GOLGB1: variants seen among roughly 807,000 people sequenced by gnomAD.
GOLGB1 encodes golgin subfamily B member 1.
Under a neutral mutation model 336.9 loss-of-function variants are expected in GOLGB1, and 174 were observed. The ratio of observed to expected loss-of-function variants is 0.52; its 90% CI spans 0.46 to 0.59. The LOEUF (loss-of-function observed/expected upper bound fraction) is 0.59, where lower values mean the gene tolerates loss of function less well. Among genes scored for constraint, GOLGB1 ranks in the 20% least tolerant of loss-of-function variants. GOLGB1 has a pLI of 0.00. For missense variants in GOLGB1, 3,331 were observed against 3,645.3 expected (o/e 0.91, Z 2.22); for synonymous variants, 1,208 against 1,289.2 (o/e 0.94, Z 1.35).
intron 1 of GOLGB1, among the ~76,000 whole-genome samples, chr3:121,733,483 A>G (rs998076653): frequency 1.2e-4 from 19 of 152,176 alleles, no homozygotes; most frequent in Non-Finnish European, 2.5e-4. Flanking sequence ...TAAAAAATCT[A>G]AATAAATGTA....
At position 121,697,045 on chromosome 3, in the gene GOLGB1, T is replaced by A. The variant is rs1365443072; in HGVS notation, c.3478A>T (p.Ser1160Cys). 4 of 1,613,934 alleles carry A rather than the reference T, an allele frequency of 2.5e-6. No individual in the cohort carries two copies. The highest frequency in any genetic ancestry group is 3.4e-6 in the Non-Finnish European group (4 of 1,179,908). ...VVISPPCTGS[S>C]EHWKPELEEK... ...TCTAGTTCTGGTTTCCAGTGTTCAC[T>A]ACTACCTGTACAAGGTGGACTTATC... Residue 1160 changes from serine (S) to cysteine (C), a missense_variant, in exon 13 of 22, where the codon AGT becomes TGT. Coordinates refer to ENST00000614479, the MANE Select transcript of GOLGB1 (RefSeq NM_001366282.2).
intron 14 of GOLGB1, among the ~76,000 whole-genome samples, chr3:121,684,348 A>G (rs992065677): frequency 3.3e-5 from 5 of 151,562 alleles, no homozygotes; most frequent in Admixed American, 2.6e-4. Context: ...AATAACAAAC[A>G]TTTCAGAAAT....
At chr3:121,687,184 C>G (rs1016598090) in intron 14 of GOLGB1, among the ~76,000 whole-genome samples, 1 of 152,090 alleles carries the variant, frequency 6.6e-6, no homozygotes, top group Non-Finnish European at 1.5e-5. Context: ...ATTGCTTGAA[C>G]CTGGGAGGCG....
chr3:121,720,054 G>A (rs1035780297), intron 6 of GOLGB1, among the ~76,000 whole-genome samples: 4 of 152,274 alleles, frequency 2.6e-5, no homozygotes, highest in African/African-American at 9.6e-5. Context: ...TACAAGAAGT[G>A]TATTTTTTAA....
Position 121,697,440 on chromosome 3 carries a change from G to C in GOLGB1, c.3083C>G (p.Ser1028Cys). 1 of 1,611,072 alleles carries C rather than the reference G, an allele frequency of 6.2e-7. No individual in the cohort carries two copies. Residue 1028 changes from serine (S) to cysteine (C), a missense_variant, in exon 13 of 22, where the codon TCT (serine) becomes TGT (cysteine). Ser to Cys is a moderately radical substitution (Grantham distance 112). Transcript: ENST00000614479. The stretch of plus-strand genomic sequence containing the variant: ...CTCACTGAGTGGGATTTCTTTCTTA[G>C]ATTCATCTTTCAAGTTGGCTAATTC... ...EEELANLKDE[S>C]KKEIPLSETE... is the part of the protein sequence containing the mutation.
rs757912228 is a variant in GOLGB1 at position 121,716,962 on chromosome 3, C to G, written c.1063G>C (p.Glu355Gln). The change falls in exon 9 of 22, where the codon GAG (glutamate) becomes CAG (glutamine). Residue 355 changes from glutamate to glutamine, a missense_variant. Coordinates refer to ENST00000614479, the MANE Select transcript of GOLGB1 (RefSeq NM_001366282.2). ...TCAGCCTGGGCTTGGCCTGCTTGCTCAAACTGTTCTAAAAGATGATGCATT... is the reference window on the plus strand; with the variant it reads ...TCAGCCTGGGCTTGGCCTGCTTGCTGAAACTGTTCTAAAAGATGATGCATT... ...EEMHHLLEQF[E>Q]QAGQAQAELE... 6.2e-7 allele frequency: 1 copy of G among 1,613,978 alleles called. No individual in the cohort carries two copies. The highest frequency in any genetic ancestry group is 8.5e-7 in the Non-Finnish European group (1 of 1,179,934).
intron 1 of GOLGB1, chr3:121,749,002 C>G: frequency 7.3e-6 from 5 of 687,486 alleles, no homozygotes; most frequent in Non-Finnish European, 9.0e-6. Context: ...CTCTAACAGC[C>G]TGCCCACCTC....
In GOLGB1 at chr3:121,664,201, T is replaced by C. The variant is rs1266608250; in HGVS notation, c.*279A>G. ...ACAGGACCACAAAAGATCAGGGTCC[T>C]GCAAAATCTCAACAAATATTAGGCT... On this transcript the variant is annotated 3_prime_UTR_variant, in exon 22 of 22. Transcript: ENST00000614479. 5 of 415,916 alleles carry C rather than the reference T, an allele frequency of 1.2e-5. No homozygotes were observed. In the East Asian group the frequency reaches 1.9e-4, roughly 16 times the overall value. 25.8% of individuals were successfully genotyped at this position (415,916 alleles called of 1,614,324 possible). A position where few individuals can be genotyped will look rare whatever the true frequency, so the allele number is the denominator to read the frequency against.
chr3:121,666,008 G>A (rs2107521495), intron 20 of GOLGB1, among the ~76,000 whole-genome samples: 1 of 152,314 alleles, frequency 6.6e-6, no homozygotes. Context: ...ATTCCTCCAT[G>A]TGATAAGCTT....
At chr3:121,684,145 A>C (rs1356288205) in intron 14 of GOLGB1, among the ~76,000 whole-genome samples, 10 of 148,630 alleles carry the variant, frequency 6.7e-5, no homozygotes, top group Non-Finnish European at 1.5e-4. Context: ...AAAAAAAAAA[A>C]AAAAAAACAA....
chr3:121,726,790 G>T, intron 5 of GOLGB1, 123 bp downstream of exon 5: 1 of 553,162 alleles, frequency 1.8e-6, no homozygotes, highest in Non-Finnish European at 3.0e-6. Context: ...AGAAAAGAAG[G>T]AGACTGATAT....
At position 121,696,055 on chromosome 3, in the gene GOLGB1, G is replaced by A. The variant is rs1942912090; in HGVS notation, c.4468C>T (p.Leu1490=). 6.2e-7 allele frequency: 1 copy of A among 1,613,966 alleles called. No individual in the cohort carries two copies. Among genetic ancestry groups the A allele is most frequent in the South Asian group, 1.1e-5 (1 of 91,072 alleles). ...SRAKQQIQRK[L]QAALISRKEA... ...TTTCGGGAAATAAGGGCAGCTTGCA[G>A]TTTCCTTTGTATTTGTTGCTTTGCT... The change falls in exon 13 of 22, where the codon CTG becomes TTG. Residue 1490 remains leucine (L), a synonymous_variant. Coordinates refer to ENST00000614479, the MANE Select transcript of GOLGB1 (RefSeq NM_001366282.2).
chr3:121,720,396 G>A (rs1945103454), intron 6 of GOLGB1, among the ~76,000 whole-genome samples: 1 of 152,166 alleles, frequency 6.6e-6, no homozygotes, highest in Admixed American at 6.6e-5. Context: ...TGAACAGAAT[G>A]AAATGGAAAT....
chr3:121,691,900 C>G lies in GOLGB1; in HGVS notation c.7464G>C (p.Leu2488=). The G allele has an allele frequency of 1.2e-6, 2 of 1,614,004 alleles. No homozygotes were observed. The highest frequency in any genetic ancestry group is 2.7e-5 in the African/African-American group (2 of 75,040). ...AGATTATAGAGAGATGTCGCTCTTCCAGCTGTTGATAGTCACCCACTATGC... is the reference window on the plus strand; with the variant it reads ...AGATTATAGAGAGATGTCGCTCTTCGAGCTGTTGATAGTCACCCACTATGC... ...RDRIVGDYQQ[L]EERHLSIILE... The change falls in exon 14 of 22, where the codon CTG becomes CTC. Residue 2488 remains leucine (L), a synonymous_variant. Coordinates refer to ENST00000614479, the MANE Select transcript of GOLGB1 (RefSeq NM_001366282.2).
chr3:121,733,445 GAA>G (rs1946261668), intron 1 of GOLGB1, among the ~76,000 whole-genome samples: 1 of 152,070 alleles, frequency 6.6e-6, no homozygotes, highest in African/African-American at 2.4e-5. Flanking sequence ...GCTGAATGCT[GAA>G]AACTATTGAA....
intron 1 of GOLGB1, among the ~76,000 whole-genome samples, chr3:121,741,642 C>T (rs955289836): frequency 1.3e-5 from 2 of 152,054 alleles, no homozygotes; most frequent in African/African-American, 2.4e-5. Context: ...AGATGTAATA[C>T]AGAAGAAATT....
rs528795845 is a variant in GOLGB1, at chr3:121,730,101, G to A, written c.97-84C>T. The A allele has an allele frequency of 1.5e-5, 13 of 867,038 alleles. 1 individual carries two copies. The South Asian group carries it at 1.8e-4, about 12-fold the overall frequency. 53.7% of individuals were successfully genotyped at this position (867,038 alleles called of 1,614,324 possible). A position where few individuals can be genotyped will look rare whatever the true frequency, so the allele number is the denominator to read the frequency against. On this transcript the variant is annotated intron_variant, in intron 2 of 21. Coordinates refer to ENST00000614479, the MANE Select transcript of GOLGB1 (RefSeq NM_001366282.2). ...GAGTTTCTTCATTCCAACTTTTTAT[G>A]TTTTGCCCAATTCATATTCTTGTTA...
intron 17 of GOLGB1, among the ~76,000 whole-genome samples, chr3:121,676,352 T>C (rs1940373522): frequency 6.6e-6 from 1 of 152,216 alleles, no homozygotes; most frequent in South Asian, 2.1e-4. Context: ...GTTCTTGTGA[T>C]GAAAAGCTTA....
chr3:121,694,041 T>C lies in GOLGB1; in HGVS notation c.6482A>G (p.Glu2161Gly). ...AACCTGAATCTCTCCAATTGTCTCT[T>C]CCAAGTGGACTTTTTCTCTGCGCAA... ...DALRREKVHL[E>G]ETIGEIQVTL... The change falls in exon 13 of 22, where the codon GAA becomes GGA. Residue 2161 changes from glutamate (E) to glycine (G), a missense_variant. Physicochemically the swap from Glu to Gly is moderately conservative, Grantham distance 98. Coordinates refer to ENST00000614479, the MANE Select transcript of GOLGB1 (RefSeq NM_001366282.2). The C allele has an allele frequency of 6.2e-7, 1 of 1,613,958 alleles. No homozygotes were observed. The highest frequency in any genetic ancestry group is 8.5e-7 in the Non-Finnish European group (1 of 1,179,824).
Sources: gnomAD v4.1 joint callset for allele counts (sites outside exome capture counted in the v4.1 genomes callset) on GRCh38, gnomAD v4.1.1 for gene constraint, MANE v1.5 for transcripts, NCBI Gene and HGNC (gene_info 2026-07-23, HGNC 2026-07-21) for gene names.